Variants in PFKFB3 observed in about 807,000 individuals in gnomAD.
PFKFB3 encodes the protein 6-phosphofructo-2-kinase/fructose-2,6-bisphosphatase 3.
A neutral mutation model predicts 68.0 loss-of-function variants in PFKFB3; 33 were observed. The ratio of observed to expected loss-of-function variants is 0.49; its 90% CI spans 0.37 to 0.65. The LOEUF (loss-of-function observed/expected upper bound fraction) is 0.65, where lower values mean the gene tolerates loss of function less well. PFKFB3 is among the 30% of genes least tolerant of loss of function. The pLI is 0.00. For synonymous variants in PFKFB3, 315 were observed against 288.2 expected, an observed-to-expected ratio of 1.09 and a Z score of -0.94; for missense variants, 586 against 712.2, an observed-to-expected ratio of 0.82 and a Z score of 2.02.
chr10:6,225,292 T>G (rs1845266414), intron 13 of PFKFB3: 1 of 446,966 alleles, frequency 2.2e-6, no homozygotes. Context: ...GATTTTGGCA[T>G]GAAGGGATGA....
At chr10:6,282,344 C>G in the PFKFB3 span, among the ~76,000 whole-genome samples, 1,546 of 152,320 alleles carry the variant, frequency 0.01, 30 homozygotes, top group African/African-American at 0.036. Context: ...CTCAGATTCT[C>G]TGTGCATAAC....
intron 1 of PFKFB3, among the ~76,000 whole-genome samples, chr10:6,174,854 C>G (rs907395358): frequency 6.6e-6 from 1 of 150,536 alleles, no homozygotes; most frequent in African/African-American, 2.4e-5. Context: ...GTCTCACTCT[C>G]ATGTAGGCTG....
chr10:6,226,474 TGTGGGTGCGC>T (rs1845365542), intron 14 of PFKFB3, 109 bp downstream of exon 14: 6 of 1,050,554 alleles, frequency 5.7e-6, no homozygotes, highest in Non-Finnish European at 8.2e-6. Context: ...CGTGGGTGCG[TGTGGGTGCGC>T]GTGCGTATGT....
chr10:6,213,832 A>C, intron 2 of PFKFB3, 84 bp downstream of exon 2: 1 of 1,474,616 alleles, frequency 6.8e-7, no homozygotes, highest in East Asian at 2.3e-5. Context: ...AGGCAGGACC[A>C]CCCCTGGGCG....
intron 1 of PFKFB3, among the ~76,000 whole-genome samples, chr10:6,171,890 A>G (rs1842324198): frequency 6.6e-6 from 1 of 152,238 alleles, no homozygotes; most frequent in Admixed American, 6.5e-5. Context: ...TCAAATGCCT[A>G]GGAGTCCTTT....
At chr10:6,249,372 A>G (rs7910911) in intron 14 of PFKFB3, among the ~76,000 whole-genome samples, 4,050 of 152,214 alleles carry the variant, frequency 0.027, 196 homozygotes, top group African/African-American at 0.093. Context: ...AAATCACTGC[A>G]TTGAAGAGAT....
At chr10:6,267,022 C>G in the PFKFB3 span, among the ~76,000 whole-genome samples, 1 of 152,136 alleles carries the variant, frequency 6.6e-6, no homozygotes, top group South Asian at 2.1e-4. Flanking sequence ...CACCTTTTTT[C>G]TCTTGTCATG....
In PFKFB3 at chr10:6,203,141, C is replaced by A; in HGVS notation, c.-120C>A. 2 of 1,496,326 alleles carry A rather than the reference C, an allele frequency of 1.3e-6. No homozygotes were observed. The highest frequency in any genetic ancestry group is 1.8e-6 in the Non-Finnish European group (2 of 1,125,352). The allele number at this position is 1,496,326 out of a possible 1,614,324, so 92.7% of individuals were successfully genotyped here. A position where few individuals can be genotyped will look rare whatever the true frequency, so the allele number is the denominator to read the frequency against. On this transcript the variant is annotated 5_prime_UTR_variant, in exon 1 of 15. Coordinates refer to ENST00000379775, the MANE Select transcript of PFKFB3 (RefSeq NM_004566.4). ...GTTTCCCCTGGCAGCGCAGGAAACG[C>A]CCGGCCGCGCGCCGGCGCACGCCCC...
chr10:6,182,430 G>A (rs1053740500), intron 1 of PFKFB3, among the ~76,000 whole-genome samples: 1 of 152,140 alleles, frequency 6.6e-6, no homozygotes, highest in Non-Finnish European at 1.5e-5. Context: ...GGAAGGAAGC[G>A]GTCCTGGTGC....
chr10:6,307,118 G>A, the PFKFB3 span, among the ~76,000 whole-genome samples: 1 of 152,094 alleles, frequency 6.6e-6, no homozygotes. Context: ...CCAGCAGGCG[G>A]CCTCCAGGCT....
At position 6,206,527 on chromosome 10, in the gene PFKFB3, G is replaced by A. The variant is rs868393259; in HGVS notation, c.76+3191G>A. Among the ~76,000 whole-genome samples, 38 of 130,218 alleles carry A rather than the reference G, an allele frequency of 2.9e-4. 1 individual carries two copies. The highest frequency in any genetic ancestry group is 5.0e-4 in the Non-Finnish European group (32 of 63,770). The allele number at this position is 130,218 out of a possible 152,430, so 85.4% of individuals were successfully genotyped here. A position where few individuals can be genotyped will look rare whatever the true frequency, so the allele number is the denominator to read the frequency against. On this transcript the variant is annotated intron_variant, in intron 1 of 14. Transcript: ENST00000379775. ...GGGCTCCTCACTTCCCAGTAGGGGC[G>A]GCCGGGCAGAGGCGCCCCTCACCTC...
intron 1 of PFKFB3, among the ~76,000 whole-genome samples, chr10:6,165,682 T>C (rs1392777986): frequency 2.6e-5 from 4 of 152,206 alleles, no homozygotes; most frequent in Non-Finnish European, 4.4e-5. Context: ...TCTCGATGCG[T>C]CTATTTTTTT....
At chr10:6,296,159 T>C in the PFKFB3 span, among the ~76,000 whole-genome samples, 14 of 152,324 alleles carry the variant, frequency 9.2e-5, no homozygotes, top group Middle Eastern at 3.4e-3. Flanking sequence ...GTTGCAAGAA[T>C]GGGAGAGATG....
chr10:6,309,092 G>A, the PFKFB3 span, among the ~76,000 whole-genome samples: 1 of 152,150 alleles, frequency 6.6e-6, no homozygotes, highest in Non-Finnish European at 1.5e-5. Flanking sequence ...ACTTGAGGCA[G>A]ATCCCCAATT....
the PFKFB3 span, among the ~76,000 whole-genome samples, chr10:6,295,431 G>A: frequency 1.3e-5 from 2 of 151,922 alleles, no homozygotes; most frequent in African/African-American, 2.4e-5. Flanking sequence ...CACAATGTTG[G>A]CCAGGCTGGT....
downstream of PFKFB3, among the ~76,000 whole-genome samples, chr10:6,236,790 C>T (rs146239158): frequency 7.9e-5 from 12 of 152,310 alleles, no homozygotes; most frequent in East Asian, 3.9e-4. Flanking sequence ...GGTCCTGGGC[C>T]GGCCGGGCTG....
chr10:6,318,010 G>A, the PFKFB3 span, among the ~76,000 whole-genome samples: 1 of 152,328 alleles, frequency 6.6e-6, no homozygotes, highest in Middle Eastern at 3.4e-3. Context: ...ATGTGGTTGT[G>A]ATACCAGTTC....
the PFKFB3 span, among the ~76,000 whole-genome samples, chr10:6,267,520 A>G: frequency 6.6e-6 from 1 of 152,192 alleles, no homozygotes; most frequent in African/African-American, 2.4e-5. Context: ...GGTCAAACAG[A>G]AAGTGCGGTG....
intron 14 of PFKFB3, among the ~76,000 whole-genome samples, chr10:6,253,485 G>A (rs1372967017): frequency 6.6e-6 from 1 of 152,116 alleles, no homozygotes; most frequent in Non-Finnish European, 1.5e-5. Context: ...AAGGTCAATG[G>A]CCATGCATCA....
Sources: allele counts gnomAD v4.1 joint callset (sites outside exome capture counted in the v4.1 genomes callset), GRCh38; gene constraint gnomAD v4.1.1; transcripts MANE v1.5; gene names NCBI Gene and HGNC (gene_info 2026-07-23, HGNC 2026-07-21).